The following SLC9B1 variants were observed in gnomAD, a reference collection of about 807,000 sequenced individuals.
SLC9B1 encodes sodium/hydrogen exchanger 9B1.
Under a neutral mutation model 51.7 loss-of-function variants are expected in SLC9B1, and 32 were observed. That is an observed-to-expected ratio of 0.62 (90% confidence interval 0.47 to 0.83). SLC9B1 has a LOEUF of 0.83. Among genes scored for constraint, SLC9B1 ranks in the 40% least tolerant of loss-of-function variants. SLC9B1 has a pLI of 0.00. For synonymous variants in SLC9B1, 145 were observed against 212.7 expected (o/e 0.68, Z 2.77); for missense variants, 406 against 613.2 (o/e 0.66, Z 3.57).
Position 102,949,142 on chromosome 4 carries a change from CTA to C in SLC9B1, c.382+113_382+114del, listed in dbSNP as rs773832959. 566 of 875,616 alleles carry C rather than the reference CTA, an allele frequency of 6.5e-4. 1 individual carries two copies. The highest frequency in any genetic ancestry group is 4.8e-3 in the Middle Eastern group (13 of 2,702). 54.2% of individuals were successfully genotyped at this position (875,616 alleles called of 1,614,324 possible). On this transcript the variant is annotated intron_variant, in intron 4 of 11. Transcript: ENST00000296422. ...TACAGTAAATACATACATGAAGAAA[CTA>C]TATAAAACATACTACATTGAAATAT...
chr4:102,989,001 G>A (rs75721406), intron 3 of SLC9B1, among the ~76,000 whole-genome samples: 2,573 of 152,020 alleles, frequency 0.017, 71 homozygotes, highest in African/African-American at 0.056. Flanking sequence ...TTACAAAGGA[G>A]TCCAATCACT....
In SLC9B1 at chr4:103,016,134, C is replaced by CAAAAAAAAAAAAAAAAAAA. The variant is rs61227731; in HGVS notation, c.-2+3446_-2+3464dup. Among the ~76,000 whole-genome samples, 19 of 49,618 alleles carry CAAAAAAAAAAAAAAAAAAA rather than the reference C, an allele frequency of 3.8e-4. 1 individual carries two copies. The highest frequency in any genetic ancestry group is 8.4e-4 in the South Asian group (1 of 1,188). 32.6% of individuals were successfully genotyped at this position (49,618 alleles called of 152,430 possible). On this transcript the variant is annotated intron_variant, in intron 1 of 11. Coordinates refer to ENST00000296422, the MANE Select transcript of SLC9B1 (RefSeq NM_139173.4). ...GGACAACAAGAGCCAAACTCTGTCT[C>CAAAAAAAAAAAAAAAAAAA]AAAAAAAAAAAAAAAAAAAGGAAAG...
chr4:102,918,913 A>C (rs896532757), intron 7 of SLC9B1, among the ~76,000 whole-genome samples: 1 of 152,248 alleles, frequency 6.6e-6, no homozygotes, highest in African/African-American at 2.4e-5. Context: ...CAAATGGCCA[A>C]CTAGCATATC....
chr4:102,965,825 G>A (rs192331815), intron 3 of SLC9B1, among the ~76,000 whole-genome samples: 237 of 152,214 alleles, frequency 1.6e-3, no homozygotes, highest in Non-Finnish European at 2.6e-3. Flanking sequence ...AAGATACAAT[G>A]GTGGAATAGT....
chr4:102,931,769 G>C (rs2110458511), intron 7 of SLC9B1, among the ~76,000 whole-genome samples: 1 of 152,212 alleles, frequency 6.6e-6, no homozygotes, highest in East Asian at 1.9e-4. Flanking sequence ...TGGCCAAAAA[G>C]GCACATTTCA....
At position 102,905,633 on chromosome 4, in the gene SLC9B1, G is replaced by C; in HGVS notation, c.1213C>G (p.Leu405Val). Residue 405 changes from leucine (L) to valine (V), a missense_variant, in exon 11 of 12, where the codon CTA becomes GTA. Physicochemically the swap from Leu to Val is conservative, Grantham distance 32. Coordinates refer to ENST00000296422, the MANE Select transcript of SLC9B1 (RefSeq NM_139173.4). The stretch of plus-strand genomic sequence containing the variant: ...ATTCGAACACATAATGCCAAACTTA[G>C]AGTGGCAACAGATATGCCTACAACA... ...SNIVGISVAT[L>V]SLALCVRILT... 1 of 1,611,216 alleles carries C rather than the reference G, an allele frequency of 6.2e-7. No homozygotes were observed. Among genetic ancestry groups the C allele is most frequent in the African/African-American group, 1.3e-5 (1 of 74,934 alleles).
At chr4:102,961,022 G>A (rs28643392) in intron 3 of SLC9B1, among the ~76,000 whole-genome samples, 9 of 152,046 alleles carry the variant, frequency 5.9e-5, no homozygotes, top group African/African-American at 1.7e-4. Flanking sequence ...ATGAGCCACC[G>A]TGACTGGCCT....
At chr4:102,893,174 C>CG (rs1321438413) in intron 11 of SLC9B1, among the ~76,000 whole-genome samples, 2 of 145,470 alleles carry the variant, frequency 1.4e-5, no homozygotes, top group Non-Finnish European at 3.0e-5. Context: ...CCCAGCTACT[C>CG]GGGAGGCTGA....
At chr4:102,887,281 T>C in intron 11 of SLC9B1, 1 of 1,004,862 alleles carries the variant, frequency 1.0e-6, no homozygotes, top group South Asian at 1.3e-5. Flanking sequence ...ATTTCACAAA[T>C]GTTTCTACCT....
In SLC9B1 at chr4:103,017,770, A is replaced by T. The variant is rs1020752219; in HGVS notation, c.-2+1829T>A. Among the ~76,000 whole-genome samples the T allele has an allele frequency of 2.6e-5, 4 of 152,194 alleles. 1 individual carries two copies. The highest frequency in any genetic ancestry group is 2.6e-4 in the Admixed American group (4 of 15,276). Reference sequence around the variant, plus strand: ...TGCTCATATAGTTTACCTATTTTCTATCTTACACTCACTAGAATTTAAACT... The same window carrying T: ...TGCTCATATAGTTTACCTATTTTCTTTCTTACACTCACTAGAATTTAAACT... On this transcript the variant is annotated intron_variant, in intron 1 of 11. Transcript: ENST00000296422.
chr4:102,980,776 C>T (rs1739311464), intron 3 of SLC9B1, among the ~76,000 whole-genome samples: 1 of 152,120 alleles, frequency 6.6e-6, no homozygotes, highest in African/African-American at 2.4e-5. Context: ...CTCCCACACA[C>T]TTCCTCTATG....
At chr4:103,014,783 T>A (rs958745324) in intron 1 of SLC9B1, 3 of 152,130 alleles carry the variant, frequency 2.0e-5, no homozygotes, top group East Asian at 1.9e-4. Context: ...TACAATAGAG[T>A]GTAAAAAGCA....
At chr4:102,981,520 G>A (rs1739357735) in intron 3 of SLC9B1, among the ~76,000 whole-genome samples, 1 of 152,112 alleles carries the variant, frequency 6.6e-6, no homozygotes, top group Non-Finnish European at 1.5e-5. Flanking sequence ...AGATTTAGTG[G>A]TGTCAGTGTT....
chr4:102,988,987 A>G (rs1392384917), intron 3 of SLC9B1, among the ~76,000 whole-genome samples: 1 of 152,080 alleles, frequency 6.6e-6, no homozygotes, highest in African/African-American at 2.4e-5. Context: ...GAACATATGT[A>G]TATTTACAAA....
intron 6 of SLC9B1, among the ~76,000 whole-genome samples, chr4:102,938,620 A>G (rs922571224): frequency 7.2e-5 from 11 of 152,212 alleles, no homozygotes; most frequent in African/African-American, 2.4e-4. Context: ...TCACACTATC[A>G]GTCTAAAATT....
At chr4:102,909,368 C>T (rs4699035) in intron 9 of SLC9B1, among the ~76,000 whole-genome samples, 82,505 of 151,512 alleles carry the variant, frequency 0.54, 23,001 homozygotes, top group African/African-American at 0.68. Flanking sequence ...TTTGGGAGGC[C>T]GAGGCAGGAG....
At chr4:102,984,771 A>C (rs986222209) in intron 3 of SLC9B1, among the ~76,000 whole-genome samples, 3 of 152,170 alleles carry the variant, frequency 2.0e-5, no homozygotes, top group Non-Finnish European at 4.4e-5. Flanking sequence ...GTCTCTGTCC[A>C]TTTCGGATAG....
chr4:102,959,364 T>TA (rs565849256), intron 3 of SLC9B1, among the ~76,000 whole-genome samples: 2 of 152,116 alleles, frequency 1.3e-5, no homozygotes, highest in Non-Finnish European at 2.9e-5. Context: ...AAAATGGGGA[T>TA]AAAAAAATTA....
intron 3 of SLC9B1, among the ~76,000 whole-genome samples, chr4:102,968,464 A>T (rs1397508996): frequency 6.6e-6 from 1 of 152,244 alleles, no homozygotes; most frequent in Non-Finnish European, 1.5e-5. Context: ...TATCAAAAAC[A>T]TATTCCATAA....
Sources: gnomAD v4.1 joint callset for allele counts (sites outside exome capture counted in the v4.1 genomes callset) on GRCh38, gnomAD v4.1.1 for gene constraint, MANE v1.5 for transcripts, NCBI Gene and HGNC (gene_info 2026-07-23, HGNC 2026-07-21) for gene names.